NEK6: variants seen among roughly 807,000 people sequenced by gnomAD.
NEK6 encodes the protein serine/threonine-protein kinase Nek6.
A neutral mutation model predicts 43.5 loss-of-function variants in NEK6; 27 were observed. The ratio of observed to expected loss-of-function variants is 0.62; its 90% CI spans 0.46 to 0.86. The LOEUF is 0.86. Ranked by LOEUF, NEK6 falls within the 40% of genes least tolerant of loss-of-function variation. The probability of loss-of-function intolerance (pLI) is 0.00; values close to 1 mark genes in which losing one functional copy is unlikely to be tolerated. For synonymous variants in NEK6, 167 were observed against 164.1 expected (o/e 1.02, Z -0.14); for missense variants, 318 against 414.4 (o/e 0.77, Z 2.02).
At position 124,301,767 on chromosome 9, in the gene NEK6, G is replaced by A. The variant is rs555571418; in HGVS notation, c.-29-169G>A. 6.6e-5 allele frequency among the ~76,000 whole-genome samples: 10 copies of A among 152,264 alleles called. No homozygotes were observed. In the East Asian group the frequency reaches 1.4e-3, roughly 21 times the overall value. ...CTAACAGAAGGAGACTGTGTCACCC[G>A]GGGGTGTCAAGTTGTAGCCCTGCCA... On this transcript the variant is annotated intron_variant, in intron 1 of 9. Coordinates refer to ENST00000320246, the MANE Select transcript of NEK6 (RefSeq NM_014397.6).
intron 6 of NEK6, 127 bp from the exon 7 acceptor site, chr9:124,327,211 G>A: frequency 1.3e-6 from 1 of 742,786 alleles, no homozygotes; most frequent in South Asian, 1.6e-5. Flanking sequence ...GCCAGAGCCA[G>A]GACAGGGCCT....
At chr9:124,306,034 G>T (rs923285384) in intron 2 of NEK6, among the ~76,000 whole-genome samples, 4 of 152,142 alleles carry the variant, frequency 2.6e-5, no homozygotes, top group African/African-American at 9.7e-5. Flanking sequence ...CTGGTGGCTC[G>T]TGCTCAAGGC....
chr9:124,270,471 T>C (rs1564614405), intron 1 of NEK6, among the ~76,000 whole-genome samples: 2 of 152,072 alleles, frequency 1.3e-5, no homozygotes, highest in African/African-American at 4.8e-5. Context: ...GCTACAAAAT[T>C]TGTGGGGCCC....
At chr9:124,257,935 G>C (rs1452927068), upstream of NEK6, 1 of 977,090 alleles carries the variant, frequency 1.0e-6, no homozygotes, top group Non-Finnish European at 1.2e-6. Context: ...GCGCGGGCGC[G>C]CGGGCCCGCG....
intron 1 of NEK6, among the ~76,000 whole-genome samples, chr9:124,272,637 G>A (rs948361354): frequency 1.3e-5 from 2 of 152,246 alleles, no homozygotes; most frequent in South Asian, 2.1e-4. Context: ...CAGTTGCAAT[G>A]TGGGAGTTTT....
intron 4 of NEK6, 91 bp from the exon 5 acceptor site, chr9:124,321,368 C>A: frequency 1.3e-6 from 1 of 761,352 alleles, no homozygotes; most frequent in Non-Finnish European, 2.2e-6. Context: ...GCCTCAGTGA[C>A]CGGGTGCCAG....
At chr9:124,282,409 AC>A (rs1831955464) in intron 1 of NEK6, among the ~76,000 whole-genome samples, 2 of 151,940 alleles carry the variant, frequency 1.3e-5, no homozygotes, top group South Asian at 4.2e-4. Context: ...ATCCCATGTG[AC>A]CCCAGCTTAA....
At chr9:124,318,134 C>G (rs1833909011) in intron 4 of NEK6, among the ~76,000 whole-genome samples, 1 of 152,224 alleles carries the variant, frequency 6.6e-6, no homozygotes, top group African/African-American at 2.4e-5. Context: ...AATTTACATT[C>G]CTACCAAAAG....
chr9:124,317,236 G>A (rs1482713569), intron 4 of NEK6, among the ~76,000 whole-genome samples: 1 of 152,170 alleles, frequency 6.6e-6, no homozygotes, highest in Non-Finnish European at 1.5e-5. Flanking sequence ...CAAAATCTGG[G>A]CAAGAGGATT....
intron 4 of NEK6, among the ~76,000 whole-genome samples, chr9:124,315,179 TTGAC>T (rs1469871905): frequency 1.3e-5 from 2 of 152,196 alleles, no homozygotes; most frequent in African/African-American, 4.8e-5. Flanking sequence ...GTGATGCAGA[TTGAC>T]TGGTGGGCCA....
At chr9:124,348,054 G>A (rs1171076455) in intron 9 of NEK6, among the ~76,000 whole-genome samples, 1 of 152,230 alleles carries the variant, frequency 6.6e-6, no homozygotes, top group African/African-American at 2.4e-5. Context: ...CCAGTGGCAC[G>A]TGGCCCTTGG....
chr9:124,341,784 A>C (rs1465962066), intron 8 of NEK6, among the ~76,000 whole-genome samples: 1 of 152,098 alleles, frequency 6.6e-6, no homozygotes, highest in African/African-American at 2.4e-5. Context: ...TTTGGAGGGA[A>C]GTCAGTGTCT....
At chr9:124,341,399 C>T (rs1048238611) in intron 8 of NEK6, among the ~76,000 whole-genome samples, 4 of 146,032 alleles carry the variant, frequency 2.7e-5, no homozygotes, top group African/African-American at 9.9e-5. Flanking sequence ...GGTGGGACCC[C>T]TTCTCCCAGG....
At position 124,326,101 on chromosome 9, in the gene NEK6, C is replaced by T. The variant is rs1044795647; in HGVS notation, c.406-229C>T. Among the ~76,000 whole-genome samples the T allele has an allele frequency of 1.3e-5, 2 of 152,204 alleles. No homozygotes were observed. The highest frequency in any genetic ancestry group is 4.8e-5 in the African/African-American group (2 of 41,456). On this transcript the variant is annotated intron_variant, in intron 5 of 9. Transcript: ENST00000320246. This position sits in a 1 kb window ranked among gnomAD's most constrained non-coding sequence, Gnocchi z 4.5. ...GCCTGCCTGGCCCTCACGGAGCTTG[C>T]TGGGTTGGGACAGGGTGGCTGCAGA...
intron 7 of NEK6, among the ~76,000 whole-genome samples, chr9:124,334,024 G>A (rs967054404): frequency 7.2e-5 from 11 of 152,100 alleles, no homozygotes; most frequent in African/African-American, 1.9e-4. Context: ...TGATCCACCC[G>A]CCTTGGCCTC....
intron 1 of NEK6, among the ~76,000 whole-genome samples, chr9:124,288,924 G>A (rs1364125368): frequency 2.0e-5 from 3 of 152,028 alleles, no homozygotes; most frequent in Non-Finnish European, 4.4e-5. Context: ...TGAAATTAAC[G>A]GCCCCTTCTG....
rs1194599790 is a variant in NEK6, at chr9:124,347,055, C to T, written c.718-654C>T. Among the ~76,000 whole-genome samples the T allele has an allele frequency of 3.9e-5, 6 of 152,190 alleles. No homozygotes were observed. The South Asian group carries it at 8.3e-4, about 21-fold the overall frequency. On this transcript the variant is annotated intron_variant, in intron 8 of 9. Coordinates refer to ENST00000320246, the MANE Select transcript of NEK6 (RefSeq NM_014397.6). ...AGCTAGGGCTGGCTGTGGAGCCAGG[C>T]GCTTCCCTCCCACCCTGAAGGTTCC...
chr9:124,326,202 TC>T lies in NEK6; in HGVS notation c.406-117del, dbSNP rs61223297. The T allele has an allele frequency of 0.017, 2,092 of 125,044 alleles. 48 individuals carry two copies. The highest frequency in any genetic ancestry group is 0.073 in the African/African-American group (1,640 of 22,324). 7.7% of individuals were successfully genotyped at this position (125,044 alleles called of 1,614,324 possible). A position where few individuals can be genotyped will look rare whatever the true frequency, so the allele number is the denominator to read the frequency against. On this transcript the variant is annotated intron_variant, in intron 5 of 9. Coordinates refer to ENST00000320246, the MANE Select transcript of NEK6 (RefSeq NM_014397.6). The surrounding 1 kb of genome is among the most constrained non-coding windows in gnomAD (Gnocchi z 4.5). ...GCTTATTGTTTGCTCAGTGGCTCAATCCCCCCCCCCCGCCCCTGCCAGGCAC... is the reference window on the plus strand; with the variant it reads ...GCTTATTGTTTGCTCAGTGGCTCAATCCCCCCCCCCGCCCCTGCCAGGCAC...
Position 124,258,102 on chromosome 9 carries a change from T to TGGGGC in NEK6, c.-30+18_-30+22dup. On this transcript the variant is annotated intron_variant, in intron 1 of 9. Transcript: ENST00000320246. ...CGCGCGCCGGTGAGTCGCCTGGGGC[T>TGGGGC]GGGGCCGGGCCGGTGGGGCCCCGCG... The TGGGGC allele has an allele frequency of 1.0e-6, 1 of 976,708 alleles. No individual in the cohort carries two copies. The highest frequency in any genetic ancestry group is 1.2e-6 in the Non-Finnish European group (1 of 826,780). The allele number at this position is 976,708 out of a possible 1,614,324, so 60.5% of individuals were successfully genotyped here.
Sources: allele counts gnomAD v4.1 joint callset (sites outside exome capture counted in the v4.1 genomes callset), GRCh38; gene constraint gnomAD v4.1.1; non-coding constraint Gnocchi (gnomAD v3.1); transcripts MANE v1.5; gene names NCBI Gene and HGNC (gene_info 2026-07-23, HGNC 2026-07-21).